The following MRRF variants were observed in gnomAD, a reference collection of about 807,000 sequenced individuals.
MRRF encodes ribosome-recycling factor, mitochondrial.
A neutral mutation model predicts 25.1 loss-of-function variants in MRRF; 18 were observed. The observed-to-expected ratio is 0.72, with a 90% CI of 0.50 to 1.06. The LOEUF (loss-of-function observed/expected upper bound fraction) is 1.06. MRRF is among the 50% of genes least tolerant of loss of function. MRRF has a pLI of 0.00. For synonymous variants in MRRF, 113 were observed against 112.1 expected (o/e 1.01, Z -0.05); for missense variants, 323 against 319.3 (o/e 1.01, Z -0.09).
At chr9:122,283,901 A>T (rs540249445) in intron 3 of MRRF, among the ~76,000 whole-genome samples, 22 of 152,236 alleles carry the variant, frequency 1.4e-4, no homozygotes, top group Non-Finnish European at 3.1e-4. Context: ...AATTTTTCCC[A>T]GGGTTTTCCA....
intron 5 of MRRF, among the ~76,000 whole-genome samples, chr9:122,297,934 G>A (rs999796910): frequency 3.9e-5 from 6 of 152,062 alleles, no homozygotes; most frequent in African/African-American, 1.2e-4. Flanking sequence ...CTCACTGTAC[G>A]GCAATAATAA....
intron 5 of MRRF, among the ~76,000 whole-genome samples, chr9:122,302,896 G>A (rs1029226974): frequency 9.2e-5 from 14 of 152,100 alleles, no homozygotes; most frequent in African/African-American, 3.4e-4. Flanking sequence ...TATCATCCTA[G>A]AGGCTGTGGA....
intron 5 of MRRF, among the ~76,000 whole-genome samples, chr9:122,301,220 T>C (rs894594469): frequency 2.6e-5 from 4 of 152,312 alleles, no homozygotes; most frequent in Middle Eastern, 3.4e-3. Flanking sequence ...ACGTGTTTAT[T>C]CCCTCCACCC....
At chr9:122,294,595 T>TA (rs1833970730) in intron 5 of MRRF, among the ~76,000 whole-genome samples, 1 of 152,188 alleles carries the variant, frequency 6.6e-6, no homozygotes, top group Non-Finnish European at 1.5e-5. Flanking sequence ...GTTTTCCAGA[T>TA]AAAAAATGAA....
At chr9:122,270,737 A>G in intron 1 of MRRF, 127 bp from the exon 2 acceptor site, 1 of 734,896 alleles carries the variant, frequency 1.4e-6, no homozygotes, top group Non-Finnish European at 2.4e-6. Flanking sequence ...GAGATAATGT[A>G]TTTAAATTGT....
At chr9:122,321,571 A>G (rs1308811911) in intron 6 of MRRF, among the ~76,000 whole-genome samples, 10 of 152,210 alleles carry the variant, frequency 6.6e-5, no homozygotes, top group African/African-American at 1.2e-4. Flanking sequence ...TTGAATTTCT[A>G]TCAGTGATAT....
rs1202203834 is a variant in MRRF, at chr9:122,324,549, G to C, written c.*1932G>C. On this transcript the variant is annotated 3_prime_UTR_variant, in exon 7 of 7. Transcript: ENST00000344641. ...GGGAAAGATATGACCCCTGTTTTGG[G>C]GGGGTACATAGTGCACTGAACTAAA... 6.6e-6 allele frequency: 1 copy of C among 152,198 alleles called. No individual in the cohort carries two copies. Among genetic ancestry groups the C allele is most frequent in the Non-Finnish European group, 1.5e-5 (1 of 68,040 alleles). The allele number at this position is 152,198 out of a possible 1,614,324, so 9.4% of individuals were successfully genotyped here.
In MRRF at chr9:122,327,286, A is replaced by G. The variant is rs937374119; in HGVS notation, c.*4669A>G. The G allele has an allele frequency of 6.6e-6, 1 of 152,226 alleles. No individual in the cohort carries two copies. Among genetic ancestry groups the G allele is most frequent in the Admixed American group, 6.5e-5 (1 of 15,290 alleles). The allele number at this position is 152,226 out of a possible 1,614,324, so 9.4% of individuals were successfully genotyped here. A position where few individuals can be genotyped will look rare whatever the true frequency, so the allele number is the denominator to read the frequency against. ...TAATAACAACAATAACAGTATTGAC[A>G]GATCAGTAACTAATATTTGCTTGGT... On this transcript the variant is annotated 3_prime_UTR_variant, in exon 7 of 7. Transcript: ENST00000344641.
chr9:122,276,973 A>T (rs1832816638), intron 2 of MRRF, among the ~76,000 whole-genome samples: 1 of 151,830 alleles, frequency 6.6e-6, no homozygotes, highest in Admixed American at 6.6e-5. Flanking sequence ...TGATTCTCCT[A>T]CCTCAGCCTC....
chr9:122,300,144 C>T (rs1834360807), intron 5 of MRRF, among the ~76,000 whole-genome samples: 1 of 152,144 alleles, frequency 6.6e-6, no homozygotes, highest in Non-Finnish European at 1.5e-5. Context: ...GCAAAGATTG[C>T]CCCTACAGCA....
intron 5 of MRRF, among the ~76,000 whole-genome samples, chr9:122,295,448 CTT>C (rs796253653): frequency 2.0e-4 from 27 of 138,084 alleles, no homozygotes; most frequent in Non-Finnish European, 1.6e-4. Flanking sequence ...GATCAGTTTC[CTT>C]TTTTTTTTTT....
intron 3 of MRRF, among the ~76,000 whole-genome samples, chr9:122,282,997 G>A (rs146593744): frequency 6.6e-6 from 1 of 152,034 alleles, no homozygotes; most frequent in African/African-American, 2.4e-5. Context: ...ATGTCAAGAA[G>A]TAATAATAGT....
At chr9:122,299,131 C>G (rs1834276845) in intron 5 of MRRF, among the ~76,000 whole-genome samples, 1 of 151,746 alleles carries the variant, frequency 6.6e-6, no homozygotes, top group Non-Finnish European at 1.5e-5. Flanking sequence ...TGGCTCATAC[C>G]TGTAATCCCA....
chr9:122,326,103 A>G lies in MRRF; in HGVS notation c.*3486A>G, dbSNP rs559760103. ...TGTGAGCCACTCTGCCTGGCCATAT[A>G]TAATTTTTTTTTTTTTTTTTTTGCA... is the stretch of plus-strand genomic sequence containing the variant. On this transcript the variant is annotated 3_prime_UTR_variant, in exon 7 of 7. Transcript: ENST00000344641. 2 of 141,806 alleles carry G rather than the reference A, an allele frequency of 1.4e-5. No homozygotes were observed. The highest frequency in any genetic ancestry group is 3.1e-5 in the Non-Finnish European group (2 of 65,472). 8.8% of individuals were successfully genotyped at this position (141,806 alleles called of 1,614,324 possible).
At chr9:122,279,646 T>C (rs1832976042) in intron 2 of MRRF, among the ~76,000 whole-genome samples, 1 of 152,242 alleles carries the variant, frequency 6.6e-6, no homozygotes, top group African/African-American at 2.4e-5. Context: ...CTAGAATGTA[T>C]ATGAAAAATC....
intron 5 of MRRF, among the ~76,000 whole-genome samples, chr9:122,307,766 A>G (rs1834945305): frequency 6.6e-6 from 1 of 152,162 alleles, no homozygotes. Flanking sequence ...ATTTCAGCTT[A>G]GGTCTTTTTG....
chr9:122,307,606 G>A (rs1031356497), intron 5 of MRRF, among the ~76,000 whole-genome samples: 2 of 152,092 alleles, frequency 1.3e-5, no homozygotes, highest in Admixed American at 6.5e-5. Context: ...TTGACAGCAC[G>A]CCAAGTACTT....
At chr9:122,282,688 G>A (rs901619381) in intron 3 of MRRF, among the ~76,000 whole-genome samples, 34 of 152,202 alleles carry the variant, frequency 2.2e-4, no homozygotes, top group African/African-American at 8.0e-4. Context: ...ATTATAGAAA[G>A]CATTTATCAT....
At chr9:122,270,670 C>T in intron 1 of MRRF, 194 bp from the exon 2 acceptor site, 1 of 544,494 alleles carries the variant, frequency 1.8e-6, no homozygotes, top group Non-Finnish European at 3.3e-6. Context: ...TTAGTTTCTT[C>T]ATTCTGTAAA....
Sources: allele counts gnomAD v4.1 joint callset (sites outside exome capture counted in the v4.1 genomes callset), GRCh38; gene constraint gnomAD v4.1.1; transcripts MANE v1.5; gene names NCBI Gene and HGNC (gene_info 2026-07-23, HGNC 2026-07-21).